ZDHHC18: variants seen among roughly 807,000 people sequenced by gnomAD.
ZDHHC18 encodes zDHHC palmitoyltransferase 18.
A neutral mutation model predicts 37.5 loss-of-function variants in ZDHHC18; 23 were observed. The ratio of observed to expected loss-of-function variants is 0.61; its 90% confidence interval spans 0.44 to 0.87. The LOEUF is 0.87. Among genes scored for constraint, ZDHHC18 ranks in the 40% least tolerant of loss-of-function variants. ZDHHC18 has a pLI of 0.00. For synonymous variants in ZDHHC18, 185 were observed against 218.7 expected (o/e 0.85, Z 1.36); for missense variants, 406 against 525.6 (o/e 0.77, Z 2.22).
intron 7 of ZDHHC18, 152 bp downstream of exon 7, chr1:26,853,017 G>A: frequency 1.6e-6 from 1 of 624,826 alleles, no homozygotes; most frequent in Admixed American, 3.2e-5. Flanking sequence ...GAATTCCATG[G>A]AGAATTGTTA....
Position 26,855,507 on chromosome 1 carries a change from G to C in ZDHHC18, c.*1664G>C, listed in dbSNP as rs916156661. ...CCCAGATCTTGCCCTTCTCACTCCA[G>C]AGGCTAGTGGTCACAGACAGCTGGG... On this transcript the variant is annotated 3_prime_UTR_variant, in exon 8 of 8. Transcript: ENST00000374142. 2 of 152,682 alleles carry C rather than the reference G, an allele frequency of 1.3e-5. No individual in the cohort carries two copies. The highest frequency in any genetic ancestry group is 6.5e-5 in the Admixed American group (1 of 15,282). 9.5% of individuals were successfully genotyped at this position (152,682 alleles called of 1,614,324 possible). A position where few individuals can be genotyped will look rare whatever the true frequency, so the allele number is the denominator to read the frequency against.
chr1:26,845,317 A>ATT (rs2081658188), intron 2 of ZDHHC18, among the ~76,000 whole-genome samples: 3 of 68,846 alleles, frequency 4.4e-5, no homozygotes, highest in Admixed American at 3.3e-4. Flanking sequence ...TTACTTCTTC[A>ATT]TTCTTTTTTT....
rs1343072215 is a variant in ZDHHC18, at chr1:26,832,539, G to T, written c.428G>T (p.Ser143Ile). 1.2e-6 allele frequency: 2 copies of T among 1,614,192 alleles called. No individual in the cohort carries two copies. Among genetic ancestry groups the T allele is most frequent in the Admixed American group, 3.3e-5 (2 of 60,010 alleles). ...GTCATGAGCTGCCTGCTGCAGACAA[G>T]CTTCACCGACCCTGGGATCCTGCCC... The part of the protein sequence containing the change: ...FFVMSCLLQT[S>I]FTDPGILPRA... Residue 143 changes from serine to isoleucine, a missense_variant, in exon 2 of 8, where the codon AGC becomes ATC. Transcript: ENST00000374142.
intron 2 of ZDHHC18, among the ~76,000 whole-genome samples, chr1:26,840,991 G>C (rs575280625): frequency 6.7e-6 from 1 of 150,142 alleles, no homozygotes; most frequent in Non-Finnish European, 1.5e-5. Context: ...TTGGGGGGAG[G>C]GGGGGACAGA....
chr1:26,831,401 G>T (rs549821432), intron 1 of ZDHHC18, among the ~76,000 whole-genome samples: 2 of 152,340 alleles, frequency 1.3e-5, no homozygotes, highest in South Asian at 2.1e-4. Flanking sequence ...GAAGGCCATG[G>T]TAGGGAGTTT....
At chr1:26,848,844 GTGGGCAGGGTCTGAAATACCCAGGGC>G (rs2081687114) in intron 3 of ZDHHC18, 87 bp downstream of exon 3, 43 of 1,519,122 alleles carry the variant, frequency 2.8e-5, no homozygotes, top group Non-Finnish European at 3.7e-5. Flanking sequence ...TGGGGATGGC[GTGGGCAGGGTCTGAAATACCCAGGGC>G]TGGGCAGGGG....
chr1:26,850,358 GCTT>G lies in ZDHHC18; in HGVS notation c.710_712del (p.Phe237del). On this transcript the variant is annotated inframe_deletion, in exon 4 of 8. Coordinates refer to ENST00000374142, the MANE Select transcript of ZDHHC18 (RefSeq NM_032283.3). The surrounding 1 kb of genome is among the most constrained non-coding windows in gnomAD (Gnocchi z 6.1). ...AACTGTGTGGGGAGACGGAACTATC[GCTT>G]CTTCTACGCGTTTATTCTCTCCCTC... 6.2e-7 allele frequency: 1 copy of G among 1,614,246 alleles called. No homozygotes were observed. Among genetic ancestry groups the G allele is most frequent in the Non-Finnish European group, 8.5e-7 (1 of 1,180,048 alleles).
At chr1:26,839,599 C>T (rs1261009230) in intron 2 of ZDHHC18, among the ~76,000 whole-genome samples, 2 of 152,214 alleles carry the variant, frequency 1.3e-5, no homozygotes, top group Non-Finnish European at 2.9e-5. Context: ...TTGGAGTGAA[C>T]TTGCTTTCCC....
intron 2 of ZDHHC18, among the ~76,000 whole-genome samples, chr1:26,843,206 C>T (rs1265488797): frequency 7.3e-5 from 11 of 149,738 alleles, no homozygotes; most frequent in African/African-American, 2.5e-4. Flanking sequence ...GCAATGGCGA[C>T]TGTTCAGCTC....
At chr1:26,849,654 G>A (rs1473855366) in intron 3 of ZDHHC18, among the ~76,000 whole-genome samples, 2 of 152,238 alleles carry the variant, frequency 1.3e-5, no homozygotes, top group Non-Finnish European at 2.9e-5. Context: ...CTCCACCCCC[G>A]GGGACAGTGT....
intron 2 of ZDHHC18, among the ~76,000 whole-genome samples, chr1:26,838,122 G>C (rs542037428): frequency 6.6e-6 from 1 of 150,810 alleles, no homozygotes; most frequent in Non-Finnish European, 1.5e-5. Flanking sequence ...TCAGCCTCCC[G>C]AGTAGCTGGG....
chr1:26,836,008 C>T (rs1269820794), intron 2 of ZDHHC18, among the ~76,000 whole-genome samples: 1 of 152,202 alleles, frequency 6.6e-6, no homozygotes, highest in African/African-American at 2.4e-5. Flanking sequence ...TAGGAAACCA[C>T]TCAATCCCAG....
Position 26,853,958 on chromosome 1 carries a change from T to C in ZDHHC18, c.*115T>C. 1 of 948,854 alleles carries C rather than the reference T, an allele frequency of 1.1e-6. No individual in the cohort carries two copies. Among genetic ancestry groups the C allele is most frequent in the Non-Finnish European group, 1.6e-6 (1 of 612,948 alleles). The allele number at this position is 948,854 out of a possible 1,614,324, so 58.8% of individuals were successfully genotyped here. ...ACTGCCAAAGACTCAAGTCTTTTCATATTTATTTCCCATCCTGCGTGGCTT... is the reference window on the plus strand; with the variant it reads ...ACTGCCAAAGACTCAAGTCTTTTCACATTTATTTCCCATCCTGCGTGGCTT... On this transcript the variant is annotated 3_prime_UTR_variant, in exon 8 of 8. Coordinates refer to ENST00000374142, the MANE Select transcript of ZDHHC18 (RefSeq NM_032283.3).
chr1:26,849,238 G>A (rs2081689127), intron 3 of ZDHHC18, among the ~76,000 whole-genome samples: 1 of 152,204 alleles, frequency 6.6e-6, no homozygotes. Flanking sequence ...AGGTGCAGAG[G>A]ATGTCACCAC....
intron 2 of ZDHHC18, among the ~76,000 whole-genome samples, chr1:26,834,035 C>T (rs755691328): frequency 1.1e-4 from 17 of 152,174 alleles, no homozygotes; most frequent in Non-Finnish European, 2.5e-4. Flanking sequence ...CTCTGGGTCC[C>T]TGGCCACTCC....
chr1:26,844,961 C>T (rs2081656331), intron 2 of ZDHHC18, among the ~76,000 whole-genome samples: 1 of 150,314 alleles, frequency 6.7e-6, no homozygotes, highest in South Asian at 2.1e-4. Flanking sequence ...TGCTCTGTCA[C>T]CCAGGCTAGA....
chr1:26,850,466 G>A lies in ZDHHC18; in HGVS notation c.784+28G>A, dbSNP rs2124267434. The A allele has an allele frequency of 1.9e-6, 3 of 1,614,238 alleles. No individual in the cohort carries two copies. In the East Asian group the frequency reaches 6.7e-5, roughly 36 times the overall value. ...GAGTTGTGGGTGAGGGCAGTGGGGA[G>A]TGGAAGGGGTCAGCCAGCAAGCTCA... On this transcript the variant is annotated intron_variant, in intron 4 of 7. Coordinates refer to ENST00000374142, the MANE Select transcript of ZDHHC18 (RefSeq NM_032283.3). The surrounding 1 kb of genome is among the most constrained non-coding windows in gnomAD (Gnocchi z 6.1).
At chr1:26,842,466 C>T (rs1172696367) in intron 2 of ZDHHC18, among the ~76,000 whole-genome samples, 3 of 152,170 alleles carry the variant, frequency 2.0e-5, no homozygotes, top group African/African-American at 7.2e-5. Flanking sequence ...TCAGGAGAAA[C>T]CCAGCTGGGC....
At chr1:26,828,473 C>T (rs1170171379) in intron 1 of ZDHHC18, among the ~76,000 whole-genome samples, 1 of 151,868 alleles carries the variant, frequency 6.6e-6, no homozygotes, top group Non-Finnish European at 1.5e-5. Context: ...GCTTTTAGCC[C>T]AGTAACAAGC....
Sources: gnomAD v4.1 joint callset for allele counts (sites outside exome capture counted in the v4.1 genomes callset) on GRCh38, gnomAD v4.1.1 for gene constraint, Gnocchi (gnomAD v3.1) non-coding constraint, MANE v1.5 for transcripts, NCBI Gene and HGNC (gene_info 2026-07-23, HGNC 2026-07-21) for gene names.